The following IMMP2L variants were observed in gnomAD, a reference collection of about 807,000 sequenced individuals.
The protein encoded by IMMP2L is mitochondrial inner membrane protease subunit 2.
Under a neutral mutation model 19.3 loss-of-function variants are expected in IMMP2L, and 18 were observed. The ratio of observed to expected loss-of-function variants is 0.93; its 90% CI spans 0.64 to 1.38. IMMP2L has a LOEUF of 1.38. Among genes scored for constraint, IMMP2L ranks in the 40% most tolerant of loss-of-function variants. IMMP2L has a pLI of 0.00. For missense variants in IMMP2L, 233 were observed against 218.2 expected (o/e 1.07, Z -0.43); for synonymous variants, 76 against 73.0 (o/e 1.04, Z -0.21).
chr7:110,948,375 G>T (rs1396106761), intron 4 of IMMP2L, among the ~76,000 whole-genome samples: 1 of 152,136 alleles, frequency 6.6e-6, no homozygotes, highest in Non-Finnish European at 1.5e-5. Context: ...CTATAACAAT[G>T]AATGAATTGA....
intron 1 of IMMP2L, among the ~76,000 whole-genome samples, chr7:111,559,054 G>C (rs185873313): frequency 4.6e-5 from 7 of 152,142 alleles, no homozygotes; most frequent in Admixed American, 3.3e-4. Context: ...GCTCATTTTC[G>C]GTGGGCTGTC....
At position 110,669,104 on chromosome 7, in the gene IMMP2L, T is replaced by TAG. The variant is rs769817541; in HGVS notation, c.409-5384_409-5383insCT. Among the ~76,000 whole-genome samples, 246 of 143,728 alleles carry TAG rather than the reference T, an allele frequency of 1.7e-3. 1 individual carries two copies. Among genetic ancestry groups the TAG allele is most frequent in the East Asian group, 8.2e-3 (41 of 5,008 alleles). The allele number at this position is 143,728 out of a possible 152,430, so 94.3% of individuals were successfully genotyped here. A position where few individuals can be genotyped will look rare whatever the true frequency, so the allele number is the denominator to read the frequency against. ...GTGTGTGTGTGTATATGTATATATA[T>TAG]ATATAGAGAGAGAGAGAGAGAAAGA... On this transcript the variant is annotated intron_variant, in intron 5 of 5. Transcript: ENST00000405709.
At position 111,319,178 on chromosome 7, in the gene IMMP2L, A is replaced by T; in HGVS notation, c.239+168060T>A. Reference sequence around the variant, plus strand: ...GAGGAATCATTTGTAATCTTGTCACACTCAAAAAAAGTGCTGAGAGCATTC... The same window carrying T: ...GAGGAATCATTTGTAATCTTGTCACTCTCAAAAAAAGTGCTGAGAGCATTC... On this transcript the variant is annotated intron_variant, in intron 3 of 5. Transcript: ENST00000405709. Among the ~76,000 whole-genome samples the T allele has an allele frequency of 1.3e-5, 2 of 152,082 alleles. 1 individual carries two copies. Among genetic ancestry groups the T allele is most frequent in the East Asian group, 3.9e-4 (2 of 5,176 alleles).
intron 3 of IMMP2L, among the ~76,000 whole-genome samples, chr7:110,969,726 G>A (rs1819940087): frequency 6.6e-6 from 1 of 152,018 alleles, no homozygotes; most frequent in Non-Finnish European, 1.5e-5. Context: ...TCATTTTGTG[G>A]GGTGGGGATG....
At chr7:111,029,017 T>A (rs1250416235) in intron 3 of IMMP2L, among the ~76,000 whole-genome samples, 3 of 152,178 alleles carry the variant, frequency 2.0e-5, no homozygotes, top group African/African-American at 4.8e-5. Context: ...TCTATTAGCC[T>A]TCTAAAAGAA....
intron 5 of IMMP2L, among the ~76,000 whole-genome samples, chr7:110,860,990 T>TA (rs201039718): frequency 0.019 from 1,760 of 91,000 alleles, 16 homozygotes; most frequent in Non-Finnish European, 0.024. Context: ...TATTTACTGA[T>TA]TAAAAAAATT....
At chr7:110,674,329 G>T (rs1185436663) in intron 5 of IMMP2L, among the ~76,000 whole-genome samples, 1 of 152,134 alleles carries the variant, frequency 6.6e-6, no homozygotes, top group African/African-American at 2.4e-5. Context: ...CATGACACAT[G>T]GGGATTATGG....
At chr7:110,916,265 C>G (rs1021281313) in intron 4 of IMMP2L, among the ~76,000 whole-genome samples, 1 of 152,126 alleles carries the variant, frequency 6.6e-6, no homozygotes, top group Non-Finnish European at 1.5e-5. Context: ...ATGCTTGTAA[C>G]GCAATCATGA....
chr7:111,508,021 A>G (rs931032073), intron 2 of IMMP2L, among the ~76,000 whole-genome samples: 3 of 152,140 alleles, frequency 2.0e-5, no homozygotes, highest in African/African-American at 7.2e-5. Flanking sequence ...ACACAAATCA[A>G]TGAGGGAGGC....
chr7:110,843,648 G>C (rs1409482729), intron 5 of IMMP2L, among the ~76,000 whole-genome samples: 1 of 142,664 alleles, frequency 7.0e-6, no homozygotes, highest in African/African-American at 3.1e-5. Flanking sequence ...ATTAAGCAGA[G>C]ATAACACAGA....
chr7:111,021,702 G>A (rs765798746), intron 3 of IMMP2L, among the ~76,000 whole-genome samples: 3 of 152,218 alleles, frequency 2.0e-5, no homozygotes, highest in Non-Finnish European at 2.9e-5. Flanking sequence ...GGCCAACATG[G>A]TGAAACACCA....
intron 3 of IMMP2L, among the ~76,000 whole-genome samples, chr7:111,174,948 AG>A (rs1297778565): frequency 1.3e-5 from 2 of 151,800 alleles, no homozygotes; most frequent in Admixed American, 6.6e-5. Context: ...ATGGAATACT[AG>A]GCTTACAATA....
intron 3 of IMMP2L, among the ~76,000 whole-genome samples, chr7:110,967,377 C>T (rs566093868): frequency 6.6e-6 from 1 of 151,950 alleles, no homozygotes; most frequent in East Asian, 1.9e-4. Flanking sequence ...AGCATATGTC[C>T]CACCTTCTCT....
chr7:110,887,591 CA>C (rs11341899), intron 4 of IMMP2L, among the ~76,000 whole-genome samples: 77,599 of 141,658 alleles, frequency 0.55, 21,022 homozygotes, highest in East Asian at 0.79. Context: ...CTTTTTATAG[CA>C]AAAAAAAAAA....
chr7:110,940,331 A>T (rs1219369483), intron 4 of IMMP2L, among the ~76,000 whole-genome samples: 2 of 151,940 alleles, frequency 1.3e-5, no homozygotes, highest in African/African-American at 4.8e-5. Context: ...AAAAAAAAAA[A>T]AAGTTAAAAT....
intron 3 of IMMP2L, among the ~76,000 whole-genome samples, chr7:111,217,777 A>G (rs965468543): frequency 6.6e-6 from 1 of 152,112 alleles, no homozygotes; most frequent in African/African-American, 2.4e-5. Context: ...ATGAAATTCT[A>G]ATACAAGGAA....
At chr7:111,098,775 G>GAAC (rs1359082799) in intron 3 of IMMP2L, among the ~76,000 whole-genome samples, 2 of 151,664 alleles carry the variant, frequency 1.3e-5, no homozygotes, top group Admixed American at 1.3e-4. Flanking sequence ...AACTAATGAA[G>GAAC]AACACGAAAA....
rs552905078 is a variant in IMMP2L, at chr7:111,197,450, G to A, written c.240-233885C>T. On this transcript the variant is annotated intron_variant, in intron 3 of 5. Transcript: ENST00000405709. ...GGTGCTCCAGCCTGGGCAACAGAGC[G>A]AGACTCCATCTCAAAACAAACAGAA... 1.3e-4 allele frequency among the ~76,000 whole-genome samples: 20 copies of A among 152,170 alleles called. No individual in the cohort carries two copies. The South Asian group carries it at 3.7e-3, about 28-fold the overall frequency.
chr7:111,062,489 C>T (rs1352302853), intron 3 of IMMP2L, among the ~76,000 whole-genome samples: 1 of 152,124 alleles, frequency 6.6e-6, no homozygotes, highest in East Asian at 1.9e-4. Context: ...ATTCTCATGT[C>T]TTCACATTTC....
Sources: gnomAD v4.1 joint callset for allele counts (sites outside exome capture counted in the v4.1 genomes callset) on GRCh38, gnomAD v4.1.1 for gene constraint, MANE v1.5 for transcripts, NCBI Gene and HGNC (gene_info 2026-07-23, HGNC 2026-07-21) for gene names.